Variants in KIAA1217 observed in about 807,000 individuals in gnomAD.
KIAA1217 encodes KIAA1217.
A neutral mutation model predicts 163.9 loss-of-function variants in KIAA1217; 88 were observed. That is an observed-to-expected ratio of 0.54 (90% CI 0.45 to 0.64). The LOEUF is 0.64. KIAA1217 is among the 30% of genes least tolerant of loss of function. The probability of loss-of-function intolerance (pLI) is 0.00; values close to 1 mark genes in which losing one functional copy is unlikely to be tolerated. For missense variants in KIAA1217, 2,372 were observed against 2,475.0 expected, an observed-to-expected ratio of 0.96 and a Z score of 0.88; for synonymous variants, 903 against 923.1, an observed-to-expected ratio of 0.98 and a Z score of 0.39.
chr10:24,264,350 A>G (rs16924448), intron 2 of KIAA1217, among the ~76,000 whole-genome samples: 2,407 of 152,310 alleles, frequency 0.016, 59 homozygotes, highest in African/African-American at 0.054. Context: ...TGCATTTAAA[A>G]AAGAGCTGCC....
At chr10:24,483,936 C>T (rs2065018941) in intron 6 of KIAA1217, among the ~76,000 whole-genome samples, 1 of 151,830 alleles carries the variant, frequency 6.6e-6, no homozygotes, top group South Asian at 2.1e-4. Context: ...AGTGCCTCAC[C>T]CTAGATGTGA....
At chr10:24,230,939 G>A (rs1237146489) in intron 2 of KIAA1217, among the ~76,000 whole-genome samples, 4 of 152,174 alleles carry the variant, frequency 2.6e-5, no homozygotes, top group Non-Finnish European at 5.9e-5. Flanking sequence ...TTATCTTCCT[G>A]TGGGAGCCTT....
chr10:23,855,501 GCT>G (rs1208772892), intron 1 of KIAA1217, among the ~76,000 whole-genome samples: 1 of 152,136 alleles, frequency 6.6e-6, no homozygotes, highest in Non-Finnish European at 1.5e-5. Context: ...TCTTGGGGTT[GCT>G]CTTCTCGAGG....
At chr10:24,302,733 G>T (rs2041520960) in intron 2 of KIAA1217, among the ~76,000 whole-genome samples, 1 of 152,160 alleles carries the variant, frequency 6.6e-6, no homozygotes, top group Admixed American at 6.5e-5. Flanking sequence ...AGACCTTAAA[G>T]AGAAGGCCTT....
chr10:24,002,283 C>T (rs180975258), intron 1 of KIAA1217, among the ~76,000 whole-genome samples: 12 of 152,250 alleles, frequency 7.9e-5, no homozygotes, highest in Middle Eastern at 3.4e-3. Context: ...TGGTTCTTTC[C>T]AATTCATTCT....
intron 13 of KIAA1217, among the ~76,000 whole-genome samples, chr10:24,525,167 T>C (rs1257241948): frequency 6.6e-6 from 1 of 152,116 alleles, no homozygotes; most frequent in East Asian, 1.9e-4. Context: ...ATGGCTGATT[T>C]CAAGTTATGA....
intron 1 of KIAA1217, among the ~76,000 whole-genome samples, chr10:23,983,606 C>T (rs1381232198): frequency 2.6e-5 from 4 of 152,128 alleles, no homozygotes; most frequent in African/African-American, 9.7e-5. Flanking sequence ...GAGAACTCCG[C>T]CCCCACAACC....
chr10:24,504,987 G>C (rs2068146430), intron 9 of KIAA1217, among the ~76,000 whole-genome samples: 1 of 152,114 alleles, frequency 6.6e-6, no homozygotes, highest in African/African-American at 2.4e-5. Context: ...CTACTCATTA[G>C]AATTATTTGA....
chr10:24,110,614 A>C (rs1255793692), intron 2 of KIAA1217, among the ~76,000 whole-genome samples: 3 of 152,140 alleles, frequency 2.0e-5, no homozygotes, highest in Admixed American at 6.5e-5. Flanking sequence ...AAAAAAAAAA[A>C]AAACTCAAAA....
At chr10:23,846,018 G>A (rs1197140468) in intron 1 of KIAA1217, among the ~76,000 whole-genome samples, 1 of 152,112 alleles carries the variant, frequency 6.6e-6, no homozygotes, top group Non-Finnish European at 1.5e-5. Context: ...TTTGTGTCAG[G>A]TTTGTCAAAG....
intron 1 of KIAA1217, among the ~76,000 whole-genome samples, chr10:23,718,148 G>A (rs1216995553): frequency 6.6e-6 from 1 of 152,060 alleles, no homozygotes. Context: ...AAAACCAATG[G>A]CCAAAACTGC....
chr10:24,539,815 T>G (rs7904181), intron 17 of KIAA1217, among the ~76,000 whole-genome samples: 35,248 of 152,116 alleles, frequency 0.23, 4,208 homozygotes, highest in Middle Eastern at 0.39. Context: ...GATGTTTTCT[T>G]AAGCATTTTT....
At chr10:23,887,049 G>T (rs1050999604) in intron 1 of KIAA1217, among the ~76,000 whole-genome samples, 4 of 151,768 alleles carry the variant, frequency 2.6e-5, no homozygotes, top group African/African-American at 9.7e-5. Flanking sequence ...CTACTTAGTA[G>T]GGAAACAGAA....
intron 1 of KIAA1217, among the ~76,000 whole-genome samples, chr10:23,865,594 A>C (rs1840144429): frequency 6.6e-6 from 1 of 151,926 alleles, no homozygotes. Context: ...TTTATAATCC[A>C]AACTGCCTTT....
At chr10:23,822,379 C>G in intron 1 of KIAA1217, among the ~76,000 whole-genome samples, 1 of 152,136 alleles carries the variant, frequency 6.6e-6, no homozygotes, top group East Asian at 1.9e-4. Flanking sequence ...AAGACATAAA[C>G]TTTATTTTAA....
chr10:23,860,521 A>G (rs1266304646), intron 1 of KIAA1217, among the ~76,000 whole-genome samples: 2 of 152,202 alleles, frequency 1.3e-5, no homozygotes, highest in African/African-American at 4.8e-5. Flanking sequence ...CATATATTTT[A>G]AAATAAATAG....
chr10:24,327,568 G>A (rs968675110), intron 2 of KIAA1217, among the ~76,000 whole-genome samples: 7 of 152,052 alleles, frequency 4.6e-5, no homozygotes, highest in Admixed American at 2.0e-4. Flanking sequence ...ATAGCTCACT[G>A]CAGCCTCAAA....
intron 1 of KIAA1217, among the ~76,000 whole-genome samples, chr10:23,765,320 C>T (rs936196468): frequency 1.7e-4 from 25 of 151,104 alleles, no homozygotes; most frequent in African/African-American, 5.8e-4. Flanking sequence ...TCCCGAGTAG[C>T]TGGGACTACA....
chr10:23,821,571 G>A (rs983269495), intron 1 of KIAA1217, among the ~76,000 whole-genome samples: 1 of 152,060 alleles, frequency 6.6e-6, no homozygotes, highest in Non-Finnish European at 1.5e-5. Context: ...TTCCCACTTG[G>A]CCCTTCTTTT....
Sources: gnomAD v4.1 joint callset for allele counts (sites outside exome capture counted in the v4.1 genomes callset) on GRCh38, gnomAD v4.1.1 for gene constraint, MANE v1.5 for transcripts, NCBI Gene and HGNC (gene_info 2026-07-23, HGNC 2026-07-21) for gene names.